Variants in USH1C observed in about 807,000 individuals in gnomAD.
USH1C encodes USH1 protein network component harmonin.
USH1C carries 90 observed loss-of-function variants against 119.3 expected under a neutral mutation model. The observed-to-expected ratio is 0.75, with a 90% CI of 0.64 to 0.90. The LOEUF (loss-of-function observed/expected upper bound fraction) is 0.90, where lower values mean the gene tolerates loss of function less well. USH1C is among the 40% of genes least tolerant of loss of function. The probability of loss-of-function intolerance (pLI) is 0.00; values close to 1 mark genes in which losing one functional copy is unlikely to be tolerated. For synonymous variants in USH1C, 465 were observed against 443.3 expected, an observed-to-expected ratio of 1.05 and a Z score of -0.62; for missense variants, 1,165 against 1,167.7, an observed-to-expected ratio of 1.00 and a Z score of 0.03.
At chr11:17,530,929 C>A (rs1161008006) in intron 4 of USH1C, among the ~76,000 whole-genome samples, 2 of 152,208 alleles carry the variant, frequency 1.3e-5, no homozygotes, top group Non-Finnish European at 2.9e-5. Flanking sequence ...CAGTTGGAAG[C>A]AGGCAGCAGC....
At chr11:17,504,262 G>A (rs1198723058) in intron 20 of USH1C, among the ~76,000 whole-genome samples, 2 of 152,168 alleles carry the variant, frequency 1.3e-5, no homozygotes, top group Non-Finnish European at 2.9e-5. Flanking sequence ...GAAGAAGAGG[G>A]GAAGGTACAG....
In USH1C at chr11:17,510,393, G is replaced by A. The variant is rs1372645295; in HGVS notation, c.1530+12C>T. On this transcript the variant is annotated intron_variant, in intron 17 of 26. Coordinates refer to ENST00000005226, the MANE Select transcript of USH1C (RefSeq NM_153676.4). ...AGCAGGAGGGTCTATGTGGAAAGAA[G>A]GGCTCTGTTACCTCTGAAATCTCAT... 3.1e-6 allele frequency: 5 copies of A among 1,605,306 alleles called. No homozygotes were observed. The highest frequency in any genetic ancestry group is 1.3e-5 in the African/African-American group (1 of 74,800).
intron 2 of USH1C, among the ~76,000 whole-genome samples, chr11:17,532,305 A>G (rs559097017): frequency 2.6e-5 from 4 of 152,060 alleles, no homozygotes; most frequent in African/African-American, 9.6e-5. Context: ...TTCTTTTATT[A>G]TTATTTTTTT....
At position 17,505,869 on chromosome 11, in the gene USH1C, G is replaced by T. The variant is rs776463595; in HGVS notation, c.2094C>A (p.Pro698=). The change falls in exon 19 of 27, where the codon CCC becomes CCA. Residue 698 remains proline (P), a synonymous_variant. Coordinates refer to ENST00000005226, the MANE Select transcript of USH1C (RefSeq NM_153676.4). ...TCACAGCTGGCCTGTAGATGAAATT[G>T]GGCTCCTGGTGGACCATGACAGGTT... ...ISKPVMVHQE[P]NFIYRPAVKS... 96 of 1,614,062 alleles carry T rather than the reference G, an allele frequency of 5.9e-5. No individual in the cohort carries two copies. The highest frequency in any genetic ancestry group is 7.9e-5 in the Non-Finnish European group (93 of 1,180,038).
At chr11:17,504,057 G>C (rs1849543770) in intron 20 of USH1C, among the ~76,000 whole-genome samples, 1 of 152,220 alleles carries the variant, frequency 6.6e-6, no homozygotes, top group Admixed American at 6.5e-5. Flanking sequence ...CAATCCAATG[G>C]TTGGCTCCAT....
At chr11:17,529,718 G>A (rs1850872531) in intron 4 of USH1C, among the ~76,000 whole-genome samples, 1 of 152,194 alleles carries the variant, frequency 6.6e-6, no homozygotes. Flanking sequence ...GGCCCTTTGT[G>A]CAAGGGCCAC....
intron 1 of USH1C, among the ~76,000 whole-genome samples, chr11:17,539,696 CT>C (rs1851374018): frequency 6.6e-6 from 1 of 152,032 alleles, no homozygotes; most frequent in Non-Finnish European, 1.5e-5. Context: ...TGGTACCAGG[CT>C]TTATTTGACT....
Position 17,536,739 on chromosome 11 carries a change from G to A in USH1C, c.37-3417C>T, listed in dbSNP as rs574574879. 6.6e-5 allele frequency among the ~76,000 whole-genome samples: 10 copies of A among 152,356 alleles called. 1 individual carries two copies. In the South Asian group the frequency reaches 1.9e-3, roughly 28 times the overall value. On this transcript the variant is annotated intron_variant, in intron 1 of 26. Coordinates refer to ENST00000005226, the MANE Select transcript of USH1C (RefSeq NM_153676.4). ...AGTGGGACTCAGCTGCAGTGGAACA[G>A]ATCCTTCCCCTGACACACTGGAATC...
intron 2 of USH1C, among the ~76,000 whole-genome samples, chr11:17,532,689 C>G (rs1350672714): frequency 6.6e-6 from 1 of 152,200 alleles, no homozygotes; most frequent in Non-Finnish European, 1.5e-5. Flanking sequence ...CCTTTCTTCA[C>G]ATTTCTGCTT....
In USH1C at chr11:17,524,483, G is replaced by C. The variant is rs1249188126; in HGVS notation, c.727C>G (p.Pro243Ala). The C allele has an allele frequency of 6.4e-7, 1 of 1,574,700 alleles. No homozygotes were observed. Among genetic ancestry groups the C allele is most frequent in the Non-Finnish European group, 8.6e-7 (1 of 1,158,456 alleles). ...KPGIFISHVKPGSLSAEVGLE... is the reference protein window; with the variant it reads ...KPGIFISHVKAGSLSAEVGLE... ...CCCACCTCAGCAGACAGGGAGCCAG[G>C]TTTCACATGGCTGATAAAGATGCCA... Residue 243 changes from proline (P) to alanine (A), a missense_variant, in exon 9 of 27, where the codon CCT becomes GCT. Transcript: ENST00000005226.
intron 12 of USH1C, 135 bp downstream of exon 12, chr11:17,522,649 T>C (rs1439213180): frequency 1.5e-6 from 2 of 1,335,762 alleles, no homozygotes; most frequent in African/African-American, 2.9e-5. Flanking sequence ...ACCACCAAAC[T>C]CATCTGGTCT....
At position 17,495,672 on chromosome 11, in the gene USH1C, G is replaced by C. The variant is rs1849220077; in HGVS notation, c.2552C>G (p.Ser851Cys). 4.3e-6 allele frequency: 7 copies of C among 1,614,076 alleles called. No individual in the cohort carries two copies. Among genetic ancestry groups the C allele is most frequent in the Non-Finnish European group, 5.9e-6 (7 of 1,180,032 alleles). ...PPKEYDDELASLPSSVAESPQ... is the reference protein window; with the variant it reads ...PPKEYDDELACLPSSVAESPQ... ...GCTTTCAGCTACGGAGGAGGGAAGA[G>C]AAGCTCTATATATACAGAGCAGAGC... Residue 851 changes from serine (S) to cysteine (C), a missense_variant, in exon 26 of 27, where the codon TCT (serine) becomes TGT (cysteine). Coordinates refer to ENST00000005226, the MANE Select transcript of USH1C (RefSeq NM_153676.4).
intron 1 of USH1C, among the ~76,000 whole-genome samples, chr11:17,540,096 T>C (rs1851398536): frequency 6.6e-6 from 1 of 152,116 alleles, no homozygotes; most frequent in African/African-American, 2.4e-5. Context: ...CCTCCCAAAA[T>C]GCTGGGATTT....
At chr11:17,539,913 G>A (rs111748347) in intron 1 of USH1C, among the ~76,000 whole-genome samples, 2,540 of 148,672 alleles carry the variant, frequency 0.017, 77 homozygotes, top group African/African-American at 0.06. Context: ...GCTCACTGCA[G>A]CCTCAACCTC....
chr11:17,511,859 G>A (rs769920830), intron 16 of USH1C, 43 bp downstream of exon 16: 17 of 1,592,412 alleles, frequency 1.1e-5, no homozygotes, highest in Non-Finnish European at 4.3e-6. Context: ...CGACCACATT[G>A]TGTCCCAGGG....
At chr11:17,512,103 G>T (rs371208963) in intron 15 of USH1C, 49 bp from the exon 16 acceptor site, 59 of 1,599,070 alleles carry the variant, frequency 3.7e-5, no homozygotes, top group Non-Finnish European at 4.6e-5. Flanking sequence ...AAATAGTGTC[G>T]ACAGCACAGC....
Position 17,494,372 on chromosome 11 carries a change from A to C in USH1C, c.2660T>G (p.Leu887Arg), listed in dbSNP as rs1420458735. 6.3e-7 allele frequency: 1 copy of C among 1,599,020 alleles called. No homozygotes were observed. Among genetic ancestry groups the C allele is most frequent in the Non-Finnish European group, 8.5e-7 (1 of 1,172,200 alleles). ...GFLLQLEPTD[L>R]LLKSKRGNQI... The stretch of plus-strand genomic sequence containing the variant: ...GTTTCCCCTTTTGGACTTCAGAAGA[A>C]GGTCCTGCAGGGAAGTGGAAACAGC... Residue 887 changes from leucine (L) to arginine (R), a missense_variant, in exon 27 of 27, where the codon CTT becomes CGT. Leu to Arg is a moderately radical substitution (Grantham distance 102). Transcript: ENST00000005226.
chr11:17,506,218 C>T (rs1042119110), intron 18 of USH1C, among the ~76,000 whole-genome samples: 17 of 152,164 alleles, frequency 1.1e-4, no homozygotes, highest in Admixed American at 7.2e-4. Context: ...TGCCAGCAGC[C>T]AGTGTCACCC....
intron 1 of USH1C, among the ~76,000 whole-genome samples, chr11:17,535,906 G>A (rs1190524903): frequency 2.0e-5 from 3 of 152,172 alleles, no homozygotes; most frequent in Non-Finnish European, 4.4e-5. Flanking sequence ...TGACTCCAAA[G>A]CCCATGTTCT....
Sources: allele counts gnomAD v4.1 joint callset (sites outside exome capture counted in the v4.1 genomes callset), GRCh38; gene constraint gnomAD v4.1.1; transcripts MANE v1.5; gene names NCBI Gene and HGNC (gene_info 2026-07-23, HGNC 2026-07-21).